The following SBNO2 variants were observed in gnomAD, a reference collection of about 807,000 sequenced individuals.
The protein encoded by SBNO2 is protein strawberry notch homolog 2.
SBNO2 carries 89 observed loss-of-function variants against 146.3 expected under a neutral mutation model. That is an observed-to-expected ratio of 0.61 (90% CI 0.51 to 0.73). The LOEUF is 0.73. Among genes scored for constraint, SBNO2 ranks in the 30% least tolerant of loss-of-function variants. The pLI is 0.00. For synonymous variants in SBNO2, 1,147 were observed against 892.6 expected, an observed-to-expected ratio of 1.29 and a Z score of -5.08; for missense variants, 2,092 against 2,003.7, an observed-to-expected ratio of 1.04 and a Z score of -0.84.
Position 1,157,273 on chromosome 19 carries a change from T to C in SBNO2, c.-126-2871A>G, listed in dbSNP as rs1009699760. Among the ~76,000 whole-genome samples, 2 of 151,694 alleles carry C rather than the reference T, an allele frequency of 1.3e-5. No individual in the cohort carries two copies. The highest frequency in any genetic ancestry group is 4.8e-5 in the African/African-American group (2 of 41,364). Reference sequence around the variant, plus strand: ...CTGCCCCAATCCCCAGGATAAACCCTAGTGGGACACTGGGTGGGGTCTTGG... The same window carrying C: ...CTGCCCCAATCCCCAGGATAAACCCCAGTGGGACACTGGGTGGGGTCTTGG... On this transcript the variant is annotated intron_variant, in intron 1 of 31. Coordinates refer to ENST00000361757, the MANE Select transcript of SBNO2 (RefSeq NM_014963.3). The surrounding 1 kb of genome is among the most constrained non-coding windows in gnomAD (Gnocchi z 6.8).
At chr19:1,111,202 C>A (rs960387623) in intron 24 of SBNO2, 109 bp from the exon 25 acceptor site, 46 of 1,297,096 alleles carry the variant, frequency 3.5e-5, no homozygotes, top group Non-Finnish European at 4.1e-5. Flanking sequence ...TGGGGAGCAG[C>A]TGCAGCCTAG....
rs2080084433 is a variant in SBNO2, at chr19:1,136,349, G to A, written c.280-8584C>T. On this transcript the variant is annotated intron_variant, in intron 4 of 31. Coordinates refer to ENST00000361757, the MANE Select transcript of SBNO2 (RefSeq NM_014963.3). This position sits in a 1 kb window ranked among gnomAD's most constrained non-coding sequence, Gnocchi z 4.2. ...TGGGCTCCCTTCTGTCAGGGTTCCG[G>A]CCAGGTGCCTGGTATGGGCCCTGGG... Among the ~76,000 whole-genome samples the A allele has an allele frequency of 6.6e-6, 1 of 152,220 alleles. No individual in the cohort carries two copies. The highest frequency in any genetic ancestry group is 6.5e-5 in the Admixed American group (1 of 15,292).
In SBNO2 at chr19:1,108,972, G is replaced by A; in HGVS notation, c.3426-3C>T. ...GCGCCAGCCGGCAGTGCCGGTTCCT[G>A]CGGACGAGACGGGTCGTCTCGGCTC... On this transcript the variant is annotated splice_region_variant and splice_polypyrimidine_tract_variant and intron_variant, in intron 30 of 31. Transcript: ENST00000361757. The A allele has an allele frequency of 6.6e-7, 1 of 1,524,648 alleles. No individual in the cohort carries two copies. The highest frequency in any genetic ancestry group is 8.8e-7 in the Non-Finnish European group (1 of 1,140,974). 94.4% of individuals were successfully genotyped at this position (1,524,648 alleles called of 1,614,324 possible). A position where few individuals can be genotyped will look rare whatever the true frequency, so the allele number is the denominator to read the frequency against.
At chr19:1,116,626 G>A (rs1430277412) in intron 16 of SBNO2, among the ~76,000 whole-genome samples, 1 of 152,120 alleles carries the variant, frequency 6.6e-6, no homozygotes, top group Non-Finnish European at 1.5e-5. Flanking sequence ...GGCCCACCAT[G>A]CCTGGGGTCC....
chr19:1,122,677 C>G lies in SBNO2; in HGVS notation c.895G>C (p.Gly299Arg), dbSNP rs774785187. The G allele has an allele frequency of 1.6e-5, 24 of 1,535,750 alleles. No individual in the cohort carries two copies. The highest frequency in any genetic ancestry group is 2.1e-5 in the Non-Finnish European group (24 of 1,146,188). ...CCTCACCACAATGCTTTCTTCCGGC[C>G]GCGCAGGTGGTTCTCCAGGATGACT... ...AGVILENHLR[G>R]RKKALWFSVS... Residue 299 changes from glycine (G) to arginine (R), a missense_variant, in exon 9 of 32, where the codon GGC becomes CGC. By Grantham distance (125) the Gly-to-Arg change is moderately radical. Transcript: ENST00000361757.
At position 1,122,188 on chromosome 19, in the gene SBNO2, G is replaced by C; in HGVS notation, c.1100C>G (p.Thr367Ser). The change falls in exon 11 of 32, where the codon ACT (threonine) becomes AGT (serine). Residue 367 changes from threonine (T) to serine (S), a missense_variant. Thr to Ser is a moderately conservative substitution (Grantham distance 58). Coordinates refer to ENST00000361757, the MANE Select transcript of SBNO2 (RefSeq NM_014963.3). ...CCAGTCCAGGATCTGCCGGAGGCGA[G>C]TGCGGTGCTGGCCGCCGGCCTGGCT... ...GESQAGGQHR[T>S]RLRQILDWCG... The C allele has an allele frequency of 2.6e-6, 4 of 1,546,306 alleles. No homozygotes were observed. The highest frequency in any genetic ancestry group is 2.6e-6 in the Non-Finnish European group (3 of 1,145,226).
chr19:1,161,465 T>C (rs1599879222), intron 1 of SBNO2, among the ~76,000 whole-genome samples: 1 of 53,386 alleles, frequency 1.9e-5, no homozygotes, highest in Non-Finnish European at 3.3e-5. Context: ...GGGGTGGAGG[T>C]GGGGGTGCCT....
intron 1 of SBNO2, among the ~76,000 whole-genome samples, chr19:1,163,836 G>A (rs186027785): frequency 7.2e-5 from 11 of 152,288 alleles, no homozygotes; most frequent in Admixed American, 5.2e-4. Context: ...GGTCCAGGGC[G>A]AGCAAGTTCT....
chr19:1,137,065 G>A (rs1182146100), intron 4 of SBNO2, among the ~76,000 whole-genome samples: 1 of 150,054 alleles, frequency 6.7e-6, no homozygotes, highest in Admixed American at 6.7e-5. Context: ...TGTCAGGAAG[G>A]GTGAAGGAGC....
At chr19:1,115,907 C>G (rs1258311741) in intron 17 of SBNO2, 114 bp downstream of exon 17, 3 of 851,348 alleles carry the variant, frequency 3.5e-6, no homozygotes, top group Non-Finnish European at 5.7e-6. Context: ...CGGACAGGAC[C>G]TGCATTTGGC....
In SBNO2 at chr19:1,110,275, C is replaced by G. The variant is rs2145186620; in HGVS notation, c.3028+470G>C. 6.6e-6 allele frequency among the ~76,000 whole-genome samples: 1 copy of G among 152,280 alleles called. No individual in the cohort carries two copies. The highest frequency in any genetic ancestry group is 2.1e-4 in the South Asian group (1 of 4,830). On this transcript the variant is annotated intron_variant, in intron 26 of 31. Transcript: ENST00000361757. The surrounding 1 kb of genome is among the most constrained non-coding windows in gnomAD (Gnocchi z 4.9). ...AGGGAAGTGGTCCTGATGGACAGGC[C>G]TGGCCCCATGAGGCTGGAAGCACAG...
intron 17 of SBNO2, chr19:1,115,606 C>G: frequency 4.0e-6 from 1 of 251,246 alleles, no homozygotes. Context: ...GGTGGACACG[C>G]GGGGTGCCTG....
intron 3 of SBNO2, among the ~76,000 whole-genome samples, chr19:1,147,769 C>T (rs1470612633): frequency 6.6e-6 from 1 of 152,122 alleles, no homozygotes. Context: ...CCAGCCTGGC[C>T]ATCCCTCCCC....
chr19:1,139,219 C>T (rs1048098899), intron 4 of SBNO2, among the ~76,000 whole-genome samples: 2 of 152,208 alleles, frequency 1.3e-5, no homozygotes, highest in Non-Finnish European at 2.9e-5. Context: ...ACATCACACT[C>T]AGTGAGAGAC....
chr19:1,116,746 C>A, intron 16 of SBNO2, 83 bp downstream of exon 16: 1 of 1,253,794 alleles, frequency 8.0e-7, no homozygotes, highest in South Asian at 1.4e-5. Flanking sequence ...GGCCAAGGGG[C>A]AGGGTCAGGC....
rs1350994320 is a variant in SBNO2, at chr19:1,119,961, C to T, written c.1212G>A (p.Val404=). The part of the protein sequence containing the change: ...NAGSTKMGKA[V]LDLQNKLPLA... ...GGGGCAGCTTGTTCTGCAGGTCTAG[C>T]ACAGCCTTGCCCATCTTGGTGGAGC... Residue 404 remains valine (V), a synonymous_variant, in exon 12 of 32, where the codon GTG becomes GTA. Transcript: ENST00000361757. 1 of 1,551,070 alleles carries T rather than the reference C, an allele frequency of 6.4e-7. No individual in the cohort carries two copies. Among genetic ancestry groups the T allele is most frequent in the African/African-American group, 1.4e-5 (1 of 73,190 alleles).
At chr19:1,138,286 C>G (rs947727027) in intron 4 of SBNO2, among the ~76,000 whole-genome samples, 2 of 90,422 alleles carry the variant, frequency 2.2e-5, no homozygotes, top group African/African-American at 9.2e-5. Context: ...AAACAGGTGC[C>G]GGAGAGCCTG....
At position 1,112,929 on chromosome 19, in the gene SBNO2, G is replaced by C; in HGVS notation, c.2268C>G (p.Arg756=). The C allele has an allele frequency of 6.4e-7, 1 of 1,564,736 alleles. No individual in the cohort carries two copies. The highest frequency in any genetic ancestry group is 1.2e-5 in the South Asian group (1 of 85,264). Residue 756 remains arginine (R), a synonymous_variant, in exon 20 of 32, where the codon CGC becomes CGG. Coordinates refer to ENST00000361757, the MANE Select transcript of SBNO2 (RefSeq NM_014963.3). This position sits in a 1 kb window ranked among gnomAD's most constrained non-coding sequence, Gnocchi z 5.9. ...CCGTCCCGTCGGGCCTGGACACCAC[G>C]CGGCCTTTCCTGCCGGTCATCTGCA... ...RVAEMTGRKG[R]VVSRPDGTVA... is the part of the protein sequence containing the mutation.
chr19:1,112,203 G>A lies in SBNO2; in HGVS notation c.2614C>T (p.Arg872Cys). Reference sequence around the variant, plus strand: ...CACCTGCTCACCAGACTCTCCAGGCGCTTGGCCACGATGGAGGCGAACCGG... The same window carrying A: ...CACCTGCTCACCAGACTCTCCAGGCACTTGGCCACGATGGAGGCGAACCGG... ...ERRFASIVAK[R>C]LESLGALTHG... The change falls in exon 22 of 32, where the codon CGC becomes TGC. Residue 872 changes from arginine to cysteine, a missense_variant. By Grantham distance (180) the Arg-to-Cys change is radical. Coordinates refer to ENST00000361757, the MANE Select transcript of SBNO2 (RefSeq NM_014963.3). This position sits in a 1 kb window ranked among gnomAD's most constrained non-coding sequence, Gnocchi z 5.9. 1.3e-6 allele frequency: 2 copies of A among 1,588,368 alleles called. No homozygotes were observed. The highest frequency in any genetic ancestry group is 1.7e-6 in the Non-Finnish European group (2 of 1,167,504).
Sources: allele counts gnomAD v4.1 joint callset (sites outside exome capture counted in the v4.1 genomes callset), GRCh38; gene constraint gnomAD v4.1.1; non-coding constraint Gnocchi (gnomAD v3.1); transcripts MANE v1.5; gene names NCBI Gene and HGNC (gene_info 2026-07-23, HGNC 2026-07-21).